PIK3C2A: variants seen among roughly 807,000 people sequenced by gnomAD.
The protein encoded by PIK3C2A is phosphatidylinositol-4-phosphate 3-kinase catalytic subunit type 2 alpha, also known as phosphatidylinositol 4-phosphate 3-kinase C2 domain-containing subunit alpha.
Under a neutral mutation model 204.5 loss-of-function variants are expected in PIK3C2A, and 97 were observed. The observed-to-expected ratio is 0.47, with a 90% CI of 0.40 to 0.56. The LOEUF (loss-of-function observed/expected upper bound fraction) is 0.56, where lower values mean the gene tolerates loss of function less well. PIK3C2A is among the 20% of genes least tolerant of loss of function. PIK3C2A has a pLI of 0.00. For synonymous variants in PIK3C2A, 653 were observed against 664.4 expected (o/e 0.98, Z 0.26); for missense variants, 1,735 against 1,969.2 (o/e 0.88, Z 2.25).
At chr11:17,191,627 T>C (rs1055136393) in intron 1 of PIK3C2A, among the ~76,000 whole-genome samples, 2 of 152,154 alleles carry the variant, frequency 1.3e-5, no homozygotes, top group African/African-American at 4.8e-5. Flanking sequence ...ACTGTAACCA[T>C]GAACATAATA....
intron 1 of PIK3C2A, chr11:17,193,854 AAAG>A (rs368997737): frequency 0.056 from 3,439 of 60,932 alleles, 275 homozygotes; most frequent in Admixed American, 0.12. Flanking sequence ...CAAAAAAAGA[AAAG>A]AAAAGAAAAG....
intron 20 of PIK3C2A, among the ~76,000 whole-genome samples, chr11:17,112,934 C>G (rs910661305): frequency 2.0e-5 from 3 of 152,072 alleles, no homozygotes; most frequent in African/African-American, 7.3e-5. Flanking sequence ...TACAGGCATG[C>G]ACCAACATGC....
chr11:17,176,072 C>T (rs1227434431), intron 1 of PIK3C2A, among the ~76,000 whole-genome samples: 3 of 151,048 alleles, frequency 2.0e-5, no homozygotes. Context: ...GGTGCGATCT[C>T]GGTTCACCAC....
intron 20 of PIK3C2A, among the ~76,000 whole-genome samples, 165 bp from the exon 21 acceptor site, chr11:17,112,831 G>A (rs1475251346): frequency 1.3e-5 from 2 of 151,764 alleles, no homozygotes; most frequent in East Asian, 1.9e-4. Context: ...TGTTACCCAG[G>A]CTGGAATGCA....
intron 13 of PIK3C2A, among the ~76,000 whole-genome samples, chr11:17,126,726 A>G (rs1038162581): frequency 6.6e-6 from 1 of 152,224 alleles, no homozygotes; most frequent in Non-Finnish European, 1.5e-5. Flanking sequence ...ACTACTTGGC[A>G]GTCTCAAGCT....
At chr11:17,105,077 T>A in intron 23 of PIK3C2A, 92 bp downstream of exon 23, 1 of 926,352 alleles carries the variant, frequency 1.1e-6, no homozygotes. Flanking sequence ...TAAATGACTA[T>A]TTGGTCACCA....
At position 17,114,482 on chromosome 11, in the gene PIK3C2A, G is replaced by T. The variant is rs746423777; in HGVS notation, c.3217-17C>A. 4.7e-6 allele frequency: 5 copies of T among 1,061,138 alleles called. No individual in the cohort carries two copies. In the African/African-American group the frequency reaches 6.2e-5, roughly 13 times the overall value. 65.7% of individuals were successfully genotyped at this position (1,061,138 alleles called of 1,614,324 possible). ...GAGAACAACCTATAGAAAGAGATGT[G>T]ATACTGTAAGTACATAATGAAAATG... On this transcript the variant is annotated splice_polypyrimidine_tract_variant and intron_variant, in intron 19 of 32. Transcript: ENST00000691414.
chr11:17,101,827 TCTC>T (rs767783077), intron 24 of PIK3C2A, among the ~76,000 whole-genome samples: 8 of 151,904 alleles, frequency 5.3e-5, no homozygotes, highest in South Asian at 2.1e-4. Flanking sequence ...ATGGTCTCGA[TCTC>T]CTGACCTTGT....
At position 17,134,848 on chromosome 11, in the gene PIK3C2A, A is replaced by G; in HGVS notation, c.2079T>C (p.Ala693=). 2 of 1,613,994 alleles carry G rather than the reference A, an allele frequency of 1.2e-6. No homozygotes were observed. The highest frequency in any genetic ancestry group is 1.7e-6 in the Non-Finnish European group (2 of 1,179,898). The stretch of plus-strand genomic sequence containing the variant: ...ATACCCAATTACTTGAAATTCCATG[A>G]GCAGCAAAAATAGTAAACTGGAGCT... ...TEQLQFTIFA[A]HGISSNWVSN... Residue 693 remains alanine (A), a synonymous_variant, in exon 11 of 33, where the codon GCT becomes GCC. Transcript: ENST00000691414.
chr11:17,151,056 A>T (rs917282043), intron 3 of PIK3C2A, among the ~76,000 whole-genome samples: 1 of 152,230 alleles, frequency 6.6e-6, no homozygotes, highest in Non-Finnish European at 1.5e-5. Context: ...AAGGATAACA[A>T]GTTGGTTGTC....
chr11:17,112,956 C>T (rs1849047379), intron 20 of PIK3C2A, among the ~76,000 whole-genome samples: 2 of 151,656 alleles, frequency 1.3e-5, no homozygotes, highest in African/African-American at 2.4e-5. Flanking sequence ...CAGCTAAACA[C>T]CTGTTCCTTT....
At chr11:17,107,550 G>A (rs758323389) in intron 22 of PIK3C2A, among the ~76,000 whole-genome samples, 2 of 152,024 alleles carry the variant, frequency 1.3e-5, no homozygotes, top group African/African-American at 4.8e-5. Context: ...GTGGAAAGAC[G>A]GTACCTAGAA....
At chr11:17,115,855 C>T (rs1222824966) in intron 19 of PIK3C2A, 1 of 152,074 alleles carries the variant, frequency 6.6e-6, no homozygotes, top group Non-Finnish European at 1.5e-5. Context: ...ACTGGATAAC[C>T]TCATTCAAAA....
At chr11:17,113,603 G>A (rs932584274) in intron 20 of PIK3C2A, among the ~76,000 whole-genome samples, 11 of 151,506 alleles carry the variant, frequency 7.3e-5, no homozygotes, top group African/African-American at 2.4e-4. Flanking sequence ...CCAACACGGC[G>A]AAACCCCGTC....
At chr11:17,131,657 A>G (rs372446915) in intron 12 of PIK3C2A, among the ~76,000 whole-genome samples, 1,754 of 152,080 alleles carry the variant, frequency 0.012, 20 homozygotes, top group Middle Eastern at 0.021. Context: ...TCCTGACCTC[A>G]TGATCCGCCC....
intron 1 of PIK3C2A, among the ~76,000 whole-genome samples, chr11:17,191,830 G>A (rs1364235088): frequency 1.3e-5 from 2 of 152,094 alleles, no homozygotes; most frequent in African/African-American, 2.4e-5. Flanking sequence ...AATGATGAAA[G>A]CTAGTTAAAA....
In PIK3C2A at chr11:17,134,904, T is replaced by C; in HGVS notation, c.2023A>G (p.Ser675Gly). ...SPTDCAQSSK[S>G]VKEAWTTTEQ... Reference sequence around the variant, plus strand: ...GTTGTAGTCCATGCTTCCTTGACACTCTTGCTACTTTGGGCACAGTCTGTA... The same window carrying C: ...GTTGTAGTCCATGCTTCCTTGACACCCTTGCTACTTTGGGCACAGTCTGTA... The change falls in exon 11 of 33, where the codon AGT (serine) becomes GGT (glycine). Residue 675 changes from serine to glycine, a missense_variant. Ser to Gly is a moderately conservative substitution (Grantham distance 56, BLOSUM62 0). Transcript: ENST00000691414. The C allele has an allele frequency of 6.2e-7, 1 of 1,614,164 alleles. No homozygotes were observed. The highest frequency in any genetic ancestry group is 2.2e-5 in the East Asian group (1 of 44,886).
chr11:17,130,806 CAAAA>C (rs1224352745), intron 12 of PIK3C2A, among the ~76,000 whole-genome samples: 2 of 54,732 alleles, frequency 3.7e-5, no homozygotes, highest in Non-Finnish European at 7.5e-5. Context: ...GACTCCATCT[CAAAA>C]AAAAAAAAAA....
intron 1 of PIK3C2A, among the ~76,000 whole-genome samples, chr11:17,176,916 T>A (rs1277129141): frequency 6.6e-6 from 1 of 152,232 alleles, no homozygotes; most frequent in African/African-American, 2.4e-5. Flanking sequence ...AGATACTATA[T>A]GCCAAACATT....
Sources: gnomAD v4.1 joint callset for allele counts (sites outside exome capture counted in the v4.1 genomes callset) on GRCh38, gnomAD v4.1.1 for gene constraint, MANE v1.5 for transcripts, NCBI Gene and HGNC (gene_info 2026-07-23, HGNC 2026-07-21) for gene names.